The following CERS6 variants were observed in gnomAD, a reference collection of about 807,000 sequenced individuals.
CERS6 encodes ceramide synthase 6.
In CERS6, 26 loss-of-function variants were observed where a neutral mutation model predicts 56.8. The ratio of observed to expected loss-of-function variants is 0.46; its 90% CI spans 0.34 to 0.63. The LOEUF (loss-of-function observed/expected upper bound fraction) is 0.63, where lower values mean the gene tolerates loss of function less well. Among genes scored for constraint, CERS6 ranks in the 30% least tolerant of loss-of-function variants. The probability of loss-of-function intolerance (pLI) is 0.01; values close to 1 mark genes in which losing one functional copy is unlikely to be tolerated. For missense variants in CERS6, 415 were observed against 467.5 expected (o/e 0.89, Z 1.04); for synonymous variants, 164 against 173.3 (o/e 0.95, Z 0.42).
At chr2:168,674,159 T>C (rs1330343810) in intron 4 of CERS6, among the ~76,000 whole-genome samples, 1 of 152,200 alleles carries the variant, frequency 6.6e-6, no homozygotes. Flanking sequence ...GTGTCTAAGA[T>C]GTTTTTGAGA....
chr2:168,630,167 T>C (rs1684680618), intron 3 of CERS6, among the ~76,000 whole-genome samples: 1 of 146,902 alleles, frequency 6.8e-6, no homozygotes, highest in Non-Finnish European at 1.5e-5. Flanking sequence ...AAGATAACTT[T>C]TTTTTTTTAT....
chr2:168,491,670 T>A (rs1694376563), intron 1 of CERS6, among the ~76,000 whole-genome samples: 1 of 152,152 alleles, frequency 6.6e-6, no homozygotes, highest in South Asian at 2.1e-4. Context: ...CTGGGATACA[T>A]GTGCAGAACG....
At chr2:168,654,350 C>T (rs933852212) in intron 4 of CERS6, among the ~76,000 whole-genome samples, 1 of 151,986 alleles carries the variant, frequency 6.6e-6, no homozygotes, top group African/African-American at 2.4e-5. Context: ...TCGAGACCAG[C>T]CTAGCCAACA....
intron 3 of CERS6, among the ~76,000 whole-genome samples, chr2:168,599,238 T>C (rs1311464827): frequency 6.6e-6 from 1 of 152,192 alleles, no homozygotes; most frequent in Non-Finnish European, 1.5e-5. Flanking sequence ...TTGTGCTCTG[T>C]GTGGTTCTTT....
At chr2:168,658,291 G>A (rs1355655927) in intron 4 of CERS6, among the ~76,000 whole-genome samples, 3 of 152,144 alleles carry the variant, frequency 2.0e-5, no homozygotes, top group Admixed American at 6.5e-5. Flanking sequence ...GGTCCTTGAC[G>A]AGATCCCAAG....
At chr2:168,581,188 T>C (rs1023804551) in intron 3 of CERS6, among the ~76,000 whole-genome samples, 1 of 152,088 alleles carries the variant, frequency 6.6e-6, no homozygotes, top group Non-Finnish European at 1.5e-5. Flanking sequence ...CTGGCTAACT[T>C]TTATATTTTT....
At chr2:168,466,985 G>A (rs1190007696) in intron 1 of CERS6, among the ~76,000 whole-genome samples, 1 of 152,162 alleles carries the variant, frequency 6.6e-6, no homozygotes, top group Non-Finnish European at 1.5e-5. Context: ...CAAAGCTACT[G>A]TTGCTCTCCT....
At chr2:168,487,713 T>A (rs1415085229) in intron 1 of CERS6, among the ~76,000 whole-genome samples, 1 of 152,186 alleles carries the variant, frequency 6.6e-6, no homozygotes, top group East Asian at 1.9e-4. Context: ...CTATTACTTT[T>A]GATTTTTTAA....
At chr2:168,505,397 A>AAG (rs1553486012) in intron 1 of CERS6, among the ~76,000 whole-genome samples, 2 of 147,318 alleles carry the variant, frequency 1.4e-5, no homozygotes, top group African/African-American at 2.6e-5. Flanking sequence ...AAAAAAAAAA[A>AAG]AAAAGAAAAA....
At chr2:168,470,288 T>TGGGAGGATCGCTTGAGCTC (rs1403753292) in intron 1 of CERS6, among the ~76,000 whole-genome samples, 1 of 150,156 alleles carries the variant, frequency 6.7e-6, no homozygotes, top group Non-Finnish European at 1.5e-5. Flanking sequence ...GAGGCTGAGA[T>TGGGAGGATCGCTTGAGCTC]GGGAGGATCG....
Position 168,766,316 on chromosome 2 carries a change from T to C in CERS6, c.1002+568T>C, listed in dbSNP as rs2303389. ...GTTTGTTCTCTTCCTTCTGCTACCC[T>C]GGAAGGCTGGGAAGTGGAACCCTTT... On this transcript the variant is annotated intron_variant, in intron 9 of 9. Transcript: ENST00000305747. 1.4e-3 allele frequency: 2,164 copies of C among 1,597,976 alleles called. 35 individuals are homozygous for C. In the East Asian group the frequency reaches 0.025, roughly 18 times the overall value.
At chr2:168,558,558 T>C (rs1695723808) in intron 2 of CERS6, among the ~76,000 whole-genome samples, 1 of 152,214 alleles carries the variant, frequency 6.6e-6, no homozygotes, top group Admixed American at 6.5e-5. Flanking sequence ...TTGCTTATAT[T>C]TGTGTAAATA....
intron 9 of CERS6, among the ~76,000 whole-genome samples, chr2:168,767,331 A>C (rs904268986): frequency 5.3e-5 from 8 of 152,262 alleles, no homozygotes; most frequent in Admixed American, 1.3e-4. Flanking sequence ...TGAAGGTAAC[A>C]TAAGTATAGA....
At chr2:168,514,377 T>C (rs1029660814) in intron 1 of CERS6, among the ~76,000 whole-genome samples, 2 of 152,162 alleles carry the variant, frequency 1.3e-5, no homozygotes, top group African/African-American at 2.4e-5. Context: ...CTAGATTTAA[T>C]TGGATCCAAC....
At chr2:168,745,311 G>A (rs537624539) in intron 8 of CERS6, among the ~76,000 whole-genome samples, 6 of 151,408 alleles carry the variant, frequency 4.0e-5, no homozygotes, top group African/African-American at 7.3e-5. Flanking sequence ...GCACAGTCTC[G>A]GCTCACTGCA....
intron 8 of CERS6, among the ~76,000 whole-genome samples, chr2:168,720,996 A>T (rs893829539): frequency 3.3e-5 from 5 of 152,186 alleles, no homozygotes; most frequent in African/African-American, 1.2e-4. Context: ...ATCCTACAAG[A>T]TTATAATGGA....
chr2:168,743,056 A>G (rs901777256), intron 8 of CERS6, among the ~76,000 whole-genome samples: 5 of 152,136 alleles, frequency 3.3e-5, no homozygotes, highest in Non-Finnish European at 5.9e-5. Context: ...TAAGGAAGGT[A>G]TAGTTTGCTC....
chr2:168,584,194 C>T (rs1166387625), intron 3 of CERS6, among the ~76,000 whole-genome samples: 1 of 152,168 alleles, frequency 6.6e-6, no homozygotes, highest in East Asian at 1.9e-4. Flanking sequence ...AGGTATTGCT[C>T]ATTCCTTTTT....
chr2:168,474,572 C>T (rs1694034773), intron 1 of CERS6, among the ~76,000 whole-genome samples: 1 of 152,064 alleles, frequency 6.6e-6, no homozygotes. Context: ...AACATGATGA[C>T]TTTTCCAAAG....
Sources: gnomAD v4.1 joint callset for allele counts (sites outside exome capture counted in the v4.1 genomes callset) on GRCh38, gnomAD v4.1.1 for gene constraint, MANE v1.5 for transcripts, NCBI Gene and HGNC (gene_info 2026-07-23, HGNC 2026-07-21) for gene names.